Variants in CWC25 observed in about 807,000 individuals in gnomAD.
CWC25 encodes the protein CWC25 spliceosome associated protein.
A neutral mutation model predicts 54.6 loss-of-function variants in CWC25; 31 were observed. The ratio of observed to expected loss-of-function variants is 0.57; its 90% CI spans 0.43 to 0.77. CWC25 has a LOEUF of 0.77. CWC25 is among the 30% of genes least tolerant of loss of function. The probability of loss-of-function intolerance (pLI) is 0.00; values close to 1 mark genes in which losing one functional copy is unlikely to be tolerated. For missense variants in CWC25, 453 were observed against 529.3 expected, an observed-to-expected ratio of 0.86 and a Z score of 1.41; for synonymous variants, 151 against 187.0, an observed-to-expected ratio of 0.81 and a Z score of 1.57.
chr17:38,804,544 T>C (rs905184827), intron 8 of CWC25, among the ~76,000 whole-genome samples: 1 of 151,966 alleles, frequency 6.6e-6, no homozygotes, highest in Non-Finnish European at 1.5e-5. Flanking sequence ...CTGTGGCTCA[T>C]GCCTGTAATC....
At position 38,800,940 on chromosome 17, in the gene CWC25, C is replaced by G. The variant is rs1159660138; in HGVS notation, c.*1152G>C. On this transcript the variant is annotated 3_prime_UTR_variant, in exon 10 of 10. Coordinates refer to ENST00000614790, the MANE Select transcript of CWC25 (RefSeq NM_017748.5). ...CTGGGACTACAGGCGCCCGCCACCA[C>G]GCCCGGCTAATTTTTTGTATTTTTT... The G allele has an allele frequency of 1.3e-5, 2 of 149,588 alleles. No homozygotes were observed. The highest frequency in any genetic ancestry group is 3.9e-4 in the East Asian group (2 of 5,076). 9.3% of individuals were successfully genotyped at this position (149,588 alleles called of 1,614,324 possible). A position where few individuals can be genotyped will look rare whatever the true frequency, so the allele number is the denominator to read the frequency against.
In CWC25 at chr17:38,825,315, C is replaced by G. The variant is rs1389703811; in HGVS notation, c.-132G>C. On this transcript the variant is annotated 5_prime_UTR_variant, in exon 1 of 10. Transcript: ENST00000614790. ...GAGCCGTCAACTGCCAGTTTCACCA[C>G]CGCTCTAGAGGTCACTTCCGGGAGG... 3.2e-6 allele frequency: 3 copies of G among 948,042 alleles called. No homozygotes were observed. The African/African-American group carries it at 5.0e-5, about 16-fold the overall frequency. The allele number at this position is 948,042 out of a possible 1,614,324, so 58.7% of individuals were successfully genotyped here.
intron 4 of CWC25, 43 bp downstream of exon 4, chr17:38,812,752 T>C (rs1270838199): frequency 1.8e-6 from 2 of 1,137,974 alleles, no homozygotes; most frequent in Non-Finnish European, 2.6e-6. Context: ...TCACGTTATA[T>C]GGCTAAAAGA....
At chr17:38,812,720 G>T in intron 4 of CWC25, 75 bp downstream of exon 4, 1 of 844,110 alleles carries the variant, frequency 1.2e-6, no homozygotes, top group Non-Finnish European at 1.9e-6. Context: ...CTGGTAAGCT[G>T]AGAGTAAATG....
At position 38,806,360 on chromosome 17, in the gene CWC25, T is replaced by C. The variant is rs1413682974; in HGVS notation, c.938A>G (p.Gln313Arg). 2 of 1,613,712 alleles carry C rather than the reference T, an allele frequency of 1.2e-6. No homozygotes were observed. The highest frequency in any genetic ancestry group is 1.7e-6 in the Non-Finnish European group (2 of 1,179,810). ...NSKVNRRETG[Q>R]TRSPSPKKEV... is the part of the protein sequence containing the mutation. ...TTTTTTAGGTGATGGGCTCCTAGTT[T>C]GGCCTGTCTCTCTCCTGTTCACCTT... Residue 313 changes from glutamine (Q) to arginine (R), a missense_variant, in exon 8 of 10, where the codon CAA (glutamine) becomes CGA (arginine). Around this residue, in one of 2 missense-constraint regions of CWC25, gnomAD observed 444 missense variants for 499.2 expected, o/e 0.89. Coordinates refer to ENST00000614790, the MANE Select transcript of CWC25 (RefSeq NM_017748.5).
intron 2 of CWC25, among the ~76,000 whole-genome samples, chr17:38,815,923 C>T (rs1415665174): frequency 1.3e-5 from 2 of 152,140 alleles, no homozygotes; most frequent in Non-Finnish European, 2.9e-5. Context: ...ATAAGTGACG[C>T]TTTCAAGCCA....
chr17:38,822,305 C>A (rs1284712649), intron 1 of CWC25, among the ~76,000 whole-genome samples: 1 of 152,036 alleles, frequency 6.6e-6, no homozygotes, highest in African/African-American at 2.4e-5. Context: ...TCAGGTGATC[C>A]GCCTGCCTTG....
At position 38,801,076 on chromosome 17, in the gene CWC25, C is replaced by A. The variant is rs967497367; in HGVS notation, c.*1016G>T. On this transcript the variant is annotated 3_prime_UTR_variant, in exon 10 of 10. Coordinates refer to ENST00000614790, the MANE Select transcript of CWC25 (RefSeq NM_017748.5). ...CTGAGATTACAGGTGTGAGCCACCG[C>A]GCCCAGCCTGTTTTTTGTTTTTTTT... The A allele has an allele frequency of 1.3e-5, 2 of 150,560 alleles. No individual in the cohort carries two copies. The allele number at this position is 150,560 out of a possible 1,614,324, so 9.3% of individuals were successfully genotyped here.
intron 1 of CWC25, among the ~76,000 whole-genome samples, chr17:38,823,970 A>G (rs1410563949): frequency 6.6e-6 from 1 of 152,214 alleles, no homozygotes; most frequent in Non-Finnish European, 1.5e-5. Flanking sequence ...CAAACTGTCA[A>G]GAGCGCTAAT....
chr17:38,813,582 C>T (rs1224186978), intron 3 of CWC25, among the ~76,000 whole-genome samples: 5 of 150,132 alleles, frequency 3.3e-5, no homozygotes, highest in Admixed American at 1.3e-4. Flanking sequence ...CATGCTCAGT[C>T]GTCCAGGCTG....
chr17:38,812,392 C>T (rs1911527008), intron 4 of CWC25, among the ~76,000 whole-genome samples: 1 of 152,142 alleles, frequency 6.6e-6, no homozygotes, highest in East Asian at 1.9e-4. Flanking sequence ...CAAAATCAAG[C>T]TTAATTAAGC....
At chr17:38,820,399 A>T (rs757879637) in intron 2 of CWC25, among the ~76,000 whole-genome samples, 1 of 152,190 alleles carries the variant, frequency 6.6e-6, no homozygotes, top group Non-Finnish European at 1.5e-5. Flanking sequence ...AAATTGAAGC[A>T]GGGTAAAATC....
chr17:38,818,826 C>T (rs1449303162), intron 2 of CWC25, among the ~76,000 whole-genome samples: 2 of 152,022 alleles, frequency 1.3e-5, no homozygotes, highest in Non-Finnish European at 2.9e-5. Context: ...ACAATGCTGG[C>T]TCCTTTCTCT....
intron 6 of CWC25, among the ~76,000 whole-genome samples, chr17:38,807,457 A>G (rs1279174053): frequency 7.1e-6 from 1 of 141,228 alleles, no homozygotes; most frequent in Admixed American, 7.5e-5. Context: ...GAATCCCCTA[A>G]AAGAATCTCC....
chr17:38,802,721 G>A lies in CWC25; in HGVS notation c.1142C>T (p.Ser381Phe). Residue 381 changes from serine (S) to phenylalanine (F), a missense_variant, in exon 9 of 10, where the codon TCC becomes TTC. Around this residue, in one of 2 missense-constraint regions of CWC25, gnomAD observed 444 missense variants for 499.2 expected, o/e 0.89. Coordinates refer to ENST00000614790, the MANE Select transcript of CWC25 (RefSeq NM_017748.5). ...EREQRLEKLDSRDGKFIHRMK... is the reference protein window; with the variant it reads ...EREQRLEKLDFRDGKFIHRMK... ...TCACTGGATGAACTTCCCATCCCGG[G>A]AGTCCAGCTTCTCTAGCCTCTGCTC... is the stretch of plus-strand genomic sequence containing the variant. 2 of 1,613,958 alleles carry A rather than the reference G, an allele frequency of 1.2e-6. No homozygotes were observed. Among genetic ancestry groups the A allele is most frequent in the Non-Finnish European group, 1.7e-6 (2 of 1,179,870 alleles).
rs548990481 is a variant in CWC25 at position 38,818,521 on chromosome 17, G to C, written c.191+2380C>G. ...GCAGGAGAATGGCATGAACCCGGGAGGCGGAGCTTGCAGTGAGCCGAGATC... is the reference window on the plus strand; with the variant it reads ...GCAGGAGAATGGCATGAACCCGGGACGCGGAGCTTGCAGTGAGCCGAGATC... On this transcript the variant is annotated intron_variant, in intron 2 of 9. Transcript: ENST00000614790. Among the ~76,000 whole-genome samples the C allele has an allele frequency of 2.3e-4, 33 of 143,534 alleles. No individual in the cohort carries two copies. The South Asian group carries it at 6.5e-3, about 28-fold the overall frequency. 94.2% of individuals were successfully genotyped at this position (143,534 alleles called of 152,430 possible).
At chr17:38,806,032 G>A (rs544500926) in intron 8 of CWC25, among the ~76,000 whole-genome samples, 4 of 151,902 alleles carry the variant, frequency 2.6e-5, no homozygotes, top group East Asian at 3.9e-4. Flanking sequence ...GGATGGTCTC[G>A]ACCTCCTGAC....
rs1319401500 is a variant in CWC25 at position 38,814,923 on chromosome 17, T to C, written c.366A>G (p.Ser122=). 1.2e-6 allele frequency: 2 copies of C among 1,613,746 alleles called. No individual in the cohort carries two copies. The highest frequency in any genetic ancestry group is 8.5e-7 in the Non-Finnish European group (1 of 1,179,880). Residue 122 remains serine (S), a synonymous_variant, in exon 3 of 10, where the codon TCA becomes TCG. Transcript: ENST00000614790. The part of the protein sequence containing the change: ...GLLPGSIFAP[S]GANSLLDMAS... ...CCATGTCAAGAAGGGAATTGGCACC[T>C]GATGGGGCAAAGATAGAGCCTGGGA...
chr17:38,821,311 A>G (rs1036901570), intron 1 of CWC25, among the ~76,000 whole-genome samples: 2 of 152,186 alleles, frequency 1.3e-5, no homozygotes, highest in Non-Finnish European at 2.9e-5. Context: ...CTGTAATCCC[A>G]GCACTTTGGG....
Sources: allele counts gnomAD v4.1 joint callset (sites outside exome capture counted in the v4.1 genomes callset), GRCh38; gene constraint gnomAD v4.1.1; regional missense constraint gnomAD v4.1.1; transcripts MANE v1.5; gene names NCBI Gene and HGNC (gene_info 2026-07-23, HGNC 2026-07-21).